KIF6: variants seen among roughly 807,000 people sequenced by gnomAD.
KIF6 encodes kinesin family member 6.
Under a neutral mutation model 112.7 loss-of-function variants are expected in KIF6, and 106 were observed. The ratio of observed to expected loss-of-function variants is 0.94; its 90% CI spans 0.80 to 1.11. The LOEUF is 1.11. Among genes scored for constraint, KIF6 ranks in the 50% least tolerant of loss-of-function variants. The pLI, the probability that KIF6 is intolerant of heterozygous loss-of-function variation, is 0.00. For synonymous variants in KIF6, 339 were observed against 339.9 expected, an observed-to-expected ratio of 1.00 and a Z score of 0.03; for missense variants, 929 against 964.0, an observed-to-expected ratio of 0.96 and a Z score of 0.48.
chr6:39,603,858 C>A (rs1041873343), intron 6 of KIF6, among the ~76,000 whole-genome samples: 1 of 152,060 alleles, frequency 6.6e-6, no homozygotes, highest in Non-Finnish European at 1.5e-5. Flanking sequence ...TAACTTATAC[C>A]TTTTATTCCA....
chr6:39,720,747 A>T lies in KIF6; in HGVS notation c.131T>A (p.Leu44Ter). 1 of 1,610,524 alleles carries T rather than the reference A, an allele frequency of 6.2e-7. No individual in the cohort carries two copies. The highest frequency in any genetic ancestry group is 8.5e-7 in the Non-Finnish European group (1 of 1,176,858). Residue 44 changes from leucine to a stop codon, truncating the protein, a stop_gained, in exon 2 of 23, where the codon TTG becomes TAG. Transcript: ENST00000287152. LOFTEE classifies it high-confidence loss of function. ...PSLEIILPRD[L>*]ADGFVNNKRE... The stretch of plus-strand genomic sequence containing the variant: ...CTTATTATTCACAAACCCATCTGCC[A>T]AATCACGTGGTAAGATGATTTCCAA...
At chr6:39,393,620 A>T (rs916264179) in intron 15 of KIF6, among the ~76,000 whole-genome samples, 1 of 152,204 alleles carries the variant, frequency 6.6e-6, no homozygotes, top group African/African-American at 2.4e-5. Flanking sequence ...CTCTGTGTGT[A>T]TGTGTATGTG....
At chr6:39,628,634 A>G (rs1784210482) in intron 5 of KIF6, among the ~76,000 whole-genome samples, 1 of 152,118 alleles carries the variant, frequency 6.6e-6, no homozygotes, top group Non-Finnish European at 1.5e-5. Context: ...GATTCATCCA[A>G]GTTGTTAATT....
At chr6:39,575,870 A>C (rs986436038) in intron 10 of KIF6, among the ~76,000 whole-genome samples, 1 of 152,096 alleles carries the variant, frequency 6.6e-6, no homozygotes, top group Non-Finnish European at 1.5e-5. Context: ...ACTCTTGTCC[A>C]TCTCAAGTCC....
Position 39,474,891 on chromosome 6 carries a change from AT to A in KIF6, c.1646-43731del, listed in dbSNP as rs758610159. Reference sequence around the variant, plus strand: ...ATCACCAGGGTGGTCGTCCAGACATATTGATTACTCATTTATTCCTGTATGG... The same window carrying A: ...ATCACCAGGGTGGTCGTCCAGACATATGATTACTCATTTATTCCTGTATGG... On this transcript the variant is annotated intron_variant, in intron 13 of 22. Transcript: ENST00000287152. Among the ~76,000 whole-genome samples the A allele has an allele frequency of 1.9e-3, 293 of 152,368 alleles. 2 individuals are homozygous for A. The highest frequency in any genetic ancestry group is 2.4e-3 in the Non-Finnish European group (164 of 68,034).
chr6:39,556,666 G>A (rs967123996), intron 10 of KIF6, among the ~76,000 whole-genome samples: 2 of 134,264 alleles, frequency 1.5e-5, no homozygotes, highest in Admixed American at 1.5e-4. Flanking sequence ...TAGGAAGGTG[G>A]GAAAGGTGGG....
chr6:39,651,249 C>T (rs1785454728), intron 3 of KIF6, among the ~76,000 whole-genome samples: 1 of 152,154 alleles, frequency 6.6e-6, no homozygotes, highest in African/African-American at 2.4e-5. Context: ...GGTCCTCCAG[C>T]CATCTGAATA....
At chr6:39,440,781 G>A (rs148307793) in intron 13 of KIF6, among the ~76,000 whole-genome samples, 216 of 152,298 alleles carry the variant, frequency 1.4e-3, no homozygotes, top group African/African-American at 4.9e-3. Context: ...TAAAGGTCAA[G>A]AGGGATAGGA....
rs189339384 is a variant in KIF6 at position 39,523,539 on chromosome 6, G to A, written c.1645+16464C>T. Reference sequence around the variant, plus strand: ...CAATCCAACCCAACCAAATGCTTTTGCAACATCACAGACCCTCTGTGTGTC... The same window carrying A: ...CAATCCAACCCAACCAAATGCTTTTACAACATCACAGACCCTCTGTGTGTC... On this transcript the variant is annotated intron_variant, in intron 13 of 22. Coordinates refer to ENST00000287152, the MANE Select transcript of KIF6 (RefSeq NM_145027.6). 2.2e-3 allele frequency among the ~76,000 whole-genome samples: 337 copies of A among 150,386 alleles called. 1 individual carries two copies. The highest frequency in any genetic ancestry group is 7.5e-3 in the African/African-American group (308 of 40,990).
At chr6:39,394,160 T>A (rs1768083333) in intron 15 of KIF6, among the ~76,000 whole-genome samples, 1 of 151,954 alleles carries the variant, frequency 6.6e-6, no homozygotes, top group Non-Finnish European at 1.5e-5. Flanking sequence ...GAGAGTGAAT[T>A]GGGTAGGAGA....
intron 1 of KIF6, among the ~76,000 whole-genome samples, chr6:39,721,862 T>C (rs928330304): frequency 6.6e-6 from 1 of 151,624 alleles, no homozygotes; most frequent in African/African-American, 2.4e-5. Context: ...ATAAAATTCC[T>C]TCTAACAGGC....
chr6:39,345,859 A>G, intron 20 of KIF6, 70 bp from the exon 21 acceptor site: 1 of 1,123,358 alleles, frequency 8.9e-7, no homozygotes, highest in Non-Finnish European at 1.3e-6. Context: ...CAGGGTTTAT[A>G]TCTAGGAGCT....
intron 15 of KIF6, among the ~76,000 whole-genome samples, chr6:39,405,334 G>A (rs1231395756): frequency 6.6e-6 from 1 of 152,186 alleles, no homozygotes; most frequent in African/African-American, 2.4e-5. Flanking sequence ...CATTAATTAT[G>A]ATGTTAGCTG....
chr6:39,362,644 G>A (rs1280912157), intron 16 of KIF6, 126 bp from the exon 17 acceptor site: 3 of 737,714 alleles, frequency 4.1e-6, no homozygotes, highest in Non-Finnish European at 7.2e-6. Flanking sequence ...TTCCTTCTGG[G>A]GCCTCTTGGT....
At chr6:39,526,087 TCAC>T (rs1777709316) in intron 13 of KIF6, among the ~76,000 whole-genome samples, 2 of 152,220 alleles carry the variant, frequency 1.3e-5, no homozygotes, top group South Asian at 4.1e-4. Flanking sequence ...CCTCTACTCT[TCAC>T]TGTCCTTGGC....
intron 22 of KIF6, among the ~76,000 whole-genome samples, chr6:39,337,179 C>CTTTCTTTCTTTCTTTCTTTT (rs1763026619): frequency 1.4e-5 from 1 of 70,464 alleles, no homozygotes; most frequent in Non-Finnish European, 2.4e-5. Context: ...TTCCTTCTTT[C>CTTTCTTTCTTTCTTTCTTTT]TTTCTTTCTT....
intron 15 of KIF6, among the ~76,000 whole-genome samples, chr6:39,395,488 A>C (rs1194213394): frequency 6.6e-6 from 1 of 152,232 alleles, no homozygotes; most frequent in East Asian, 1.9e-4. Context: ...TAGATGCTTG[A>C]AAGTTCTTCT....
intron 10 of KIF6, among the ~76,000 whole-genome samples, chr6:39,573,654 A>ACAG (rs1780766014): frequency 6.6e-6 from 1 of 152,206 alleles, no homozygotes; most frequent in Non-Finnish European, 1.5e-5. Context: ...ACTTCTCTTG[A>ACAG]CAGCAGACAA....
intron 16 of KIF6, among the ~76,000 whole-genome samples, chr6:39,381,632 T>C (rs776577900): frequency 6.6e-6 from 1 of 152,188 alleles, no homozygotes. Flanking sequence ...AGAATTCCCA[T>C]CTGAAATGCG....
Sources: gnomAD v4.1 joint callset for allele counts (sites outside exome capture counted in the v4.1 genomes callset) on GRCh38, gnomAD v4.1.1 for gene constraint, MANE v1.5 for transcripts, NCBI Gene and HGNC (gene_info 2026-07-23, HGNC 2026-07-21) for gene names.